The following DRC10 variants were observed in gnomAD, a reference collection of about 807,000 sequenced individuals.
DRC10 encodes dynein regulatory complex subunit 10.
the DRC10 span, among the ~76,000 whole-genome samples, chr12:113,206,959 G>A: frequency 6.6e-6 from 1 of 152,246 alleles, no homozygotes; most frequent in Non-Finnish European, 1.5e-5. Flanking sequence ...ACTTGGGAGG[G>A]TGAGATGGGA....
the DRC10 span, among the ~76,000 whole-genome samples, chr12:113,206,489 A>C: frequency 8.1e-4 from 123 of 152,266 alleles, no homozygotes; most frequent in African/African-American, 2.7e-3. Flanking sequence ...TGTTCCAGCC[A>C]ATGGAAACTG....
the DRC10 span, among the ~76,000 whole-genome samples, chr12:113,217,472 C>T: frequency 6.6e-6 from 1 of 152,158 alleles, no homozygotes; most frequent in Non-Finnish European, 1.5e-5. Flanking sequence ...TTCTATCACT[C>T]CCCCCAAATT....
At chr12:113,213,176 T>TAAAAAAAAAA in the DRC10 span, among the ~76,000 whole-genome samples, 1 of 63,570 alleles carries the variant, frequency 1.6e-5, no homozygotes, top group Admixed American at 2.2e-4. Flanking sequence ...CAGAGGGTGC[T>TAAAAAAAAAA]AAAAAAAAAA....
the DRC10 span, among the ~76,000 whole-genome samples, chr12:113,198,728 A>T: frequency 5.5e-4 from 84 of 152,324 alleles, no homozygotes; most frequent in South Asian, 2.9e-3. Flanking sequence ...GTGGCACAAC[A>T]TCGTGAATAT....
the DRC10 span, chr12:113,195,903 T>C: frequency 6.3e-7 from 1 of 1,584,398 alleles, no homozygotes. Context: ...GGGTGAGGGG[T>C]GGGGCTGGGG....
chr12:113,203,777 ATTTTTTTTTT>A, the DRC10 span, among the ~76,000 whole-genome samples: 1 of 96,970 alleles, frequency 1.0e-5, no homozygotes, highest in African/African-American at 4.3e-5. Context: ...TGCCCAGCTA[ATTTTTTTTTT>A]TTTTTTTTTT....
At chr12:113,208,546 A>C in the DRC10 span, 1 of 204,358 alleles carries the variant, frequency 4.9e-6, no homozygotes, top group Non-Finnish European at 9.8e-6. Context: ...TACATCAGTG[A>C]TGGGAGAGTT....
the DRC10 span, among the ~76,000 whole-genome samples, chr12:113,219,469 C>A: frequency 2.6e-5 from 4 of 152,234 alleles, no homozygotes; most frequent in Non-Finnish European, 5.9e-5. Flanking sequence ...TTGGTATTGT[C>A]TTTTTGATTT....
chr12:113,207,382 C>A, the DRC10 span: 5 of 1,449,458 alleles, frequency 3.4e-6, no homozygotes, highest in Non-Finnish European at 4.8e-6. Context: ...AAAACCCAAC[C>A]AACAAAAGAT....
chr12:113,210,383 A>G, the DRC10 span, among the ~76,000 whole-genome samples: 3 of 152,140 alleles, frequency 2.0e-5, no homozygotes, highest in Non-Finnish European at 2.9e-5. Context: ...AAAATGTTCA[A>G]TAAATAACTA....
the DRC10 span, among the ~76,000 whole-genome samples, chr12:113,215,399 T>C: frequency 2.0e-5 from 3 of 152,252 alleles, no homozygotes; most frequent in African/African-American, 7.2e-5. Context: ...TCAAAAATTA[T>C]GTTAATATCA....
At chr12:113,197,518 G>A in the DRC10 span, 2 of 1,485,600 alleles carry the variant, frequency 1.3e-6, no homozygotes, top group South Asian at 2.4e-5. Context: ...GCATGCGAGA[G>A]AGACTTATTC....
the DRC10 span, among the ~76,000 whole-genome samples, chr12:113,198,019 C>A: frequency 3.3e-5 from 5 of 152,142 alleles, no homozygotes; most frequent in Non-Finnish European, 7.3e-5. Context: ...GAGTTTGAGA[C>A]CAGCCTGGCC....
chr12:113,207,521 T>A, the DRC10 span: 2 of 1,614,016 alleles, frequency 1.2e-6, no homozygotes, highest in Non-Finnish European at 1.7e-6. Flanking sequence ...TTCTGTCTAC[T>A]GATATCCTGT....
At chr12:113,200,562 C>G in the DRC10 span, 1 of 1,507,348 alleles carries the variant, frequency 6.6e-7, no homozygotes, top group Non-Finnish European at 8.9e-7. Context: ...GGCCCATCCT[C>G]GCTGCTTCCC....
At chr12:113,197,190 CTTTTTTT>C in the DRC10 span, among the ~76,000 whole-genome samples, 1 of 119,946 alleles carries the variant, frequency 8.3e-6, no homozygotes, top group Non-Finnish European at 1.7e-5. Context: ...TAGCCAGTCG[CTTTTTTT>C]TTTTTTTTTT....
At chr12:113,204,283 G>T in the DRC10 span, among the ~76,000 whole-genome samples, 1 of 152,178 alleles carries the variant, frequency 6.6e-6, no homozygotes, top group Non-Finnish European at 1.5e-5. Context: ...GGCCTCAAAG[G>T]CCCTGTGTGA....
the DRC10 span, chr12:113,208,013 T>C: frequency 6.2e-7 from 1 of 1,614,014 alleles, no homozygotes; most frequent in Non-Finnish European, 8.5e-7. Context: ...ATGGACATGA[T>C]CCTTTTGGCC....
At chr12:113,216,596 G>A in the DRC10 span, among the ~76,000 whole-genome samples, 1 of 152,290 alleles carries the variant, frequency 6.6e-6, no homozygotes, top group Admixed American at 6.5e-5. Context: ...CCACTCTGGT[G>A]GGGGAGGTTG....
Sources: gnomAD v4.1 joint callset for allele counts (sites outside exome capture counted in the v4.1 genomes callset) on GRCh38, gnomAD v4.1.1 for gene constraint, MANE v1.5 for transcripts, NCBI Gene and HGNC (gene_info 2026-07-23, HGNC 2026-07-21) for gene names.